Variants in ZNF644 observed in about 807,000 individuals in gnomAD.
The protein encoded by ZNF644 is zinc finger protein 644.
In ZNF644, 20 loss-of-function variants were observed where a neutral mutation model predicts 108.0. The observed-to-expected ratio is 0.19, with a 90% CI of 0.13 to 0.27. ZNF644 has a LOEUF of 0.27. ZNF644 is among the 10% of genes least tolerant of loss of function. The pLI, the probability that ZNF644 is intolerant of heterozygous loss-of-function variation, is 1.00. For synonymous variants in ZNF644, 542 were observed against 539.1 expected, an observed-to-expected ratio of 1.01 and a Z score of -0.08; for missense variants, 1,338 against 1,548.9, an observed-to-expected ratio of 0.86 and a Z score of 2.29.
chr1:90,967,732 C>T (rs1314158039), intron 2 of ZNF644, among the ~76,000 whole-genome samples: 1 of 151,880 alleles, frequency 6.6e-6, no homozygotes, highest in South Asian at 2.1e-4. Context: ...CTGCCCCTAG[C>T]CACCAGTGAG....
intron 2 of ZNF644, among the ~76,000 whole-genome samples, chr1:90,953,148 T>C (rs769692273): frequency 2.5e-4 from 38 of 152,260 alleles, no homozygotes; most frequent in Non-Finnish European, 4.7e-4. Context: ...ACAAGGTCAT[T>C]GTGCAACACA....
chr1:91,009,250 G>C (rs911533083), intron 1 of ZNF644, among the ~76,000 whole-genome samples: 3 of 151,954 alleles, frequency 2.0e-5, no homozygotes, highest in African/African-American at 7.3e-5. Context: ...AAATGTAAAT[G>C]TTATACTAAA....
intron 1 of ZNF644, among the ~76,000 whole-genome samples, chr1:90,996,312 C>A (rs1403997243): frequency 1.3e-5 from 2 of 152,186 alleles, no homozygotes; most frequent in Non-Finnish European, 2.9e-5. Flanking sequence ...ATAAACCCAG[C>A]AAGATCACTG....
intron 4 of ZNF644, chr1:90,935,461 T>G (rs1651215102): frequency 1.0e-6 from 1 of 985,724 alleles, no homozygotes; most frequent in Non-Finnish European, 1.2e-6. Context: ...GCGTAAGTGG[T>G]TGGACAGGCT....
intron 4 of ZNF644, among the ~76,000 whole-genome samples, chr1:90,927,749 T>C (rs1402977492): frequency 6.6e-6 from 1 of 152,162 alleles, no homozygotes; most frequent in Non-Finnish European, 1.5e-5. Context: ...TGAAAGGCTT[T>C]TTAAAATATA....
intron 1 of ZNF644, among the ~76,000 whole-genome samples, chr1:90,998,013 T>C (rs113271982): frequency 6.6e-6 from 1 of 152,154 alleles, no homozygotes; most frequent in Non-Finnish European, 1.5e-5. Context: ...GTGCCCACCA[T>C]TGCTGAGGCT....
In ZNF644 at chr1:90,938,650, G is replaced by A. The variant is rs1227659719; in HGVS notation, c.2704C>T (p.Pro902Ser). ...LFKSKVEGQE[P>S]GENATLSYDQ... is the part of the protein sequence containing the mutation. Reference sequence around the variant, plus strand: ...TAACTAAGAGTAGCATTTTCTCCAGGCTCCTGACCTTCCACTTTGCTCTTA... The same window carrying A: ...TAACTAAGAGTAGCATTTTCTCCAGACTCCTGACCTTCCACTTTGCTCTTA... Residue 902 changes from proline to serine, a missense_variant, in exon 3 of 6, where the codon CCT (proline) becomes TCT (serine). Coordinates refer to ENST00000337393, the MANE Select transcript of ZNF644 (RefSeq NM_201269.3). This position sits in a 1 kb window ranked among gnomAD's most constrained non-coding sequence, Gnocchi z 4.2. 1.2e-6 allele frequency: 2 copies of A among 1,609,346 alleles called. No individual in the cohort carries two copies. Among genetic ancestry groups the A allele is most frequent in the Admixed American group, 1.7e-5 (1 of 59,114 alleles).
At position 90,937,931 on chromosome 1, in the gene ZNF644, T is replaced by G; in HGVS notation, c.3242A>C (p.Glu1081Ala). ...AHKSPICVLN[E>A]MMQNEEKYEK... Reference sequence around the variant, plus strand: ...ATATTTTTCTTCATTTTGCATCATCTCATTCAGAACACAGATTGGAGATTT... The same window carrying G: ...ATATTTTTCTTCATTTTGCATCATCGCATTCAGAACACAGATTGGAGATTT... Residue 1081 changes from glutamate to alanine, a missense_variant, in exon 4 of 6, where the codon GAG becomes GCG. This residue lies in a region of ZNF644 where 287 missense variants were observed against 310.9 expected (regional missense o/e 0.92). Transcript: ENST00000337393. 6.2e-7 allele frequency: 1 copy of G among 1,613,666 alleles called. No homozygotes were observed.
At chr1:91,018,452 G>C (rs1660613058) in intron 1 of ZNF644, among the ~76,000 whole-genome samples, 1 of 152,186 alleles carries the variant, frequency 6.6e-6, no homozygotes, top group African/African-American at 2.4e-5. Flanking sequence ...AAGCTCATTT[G>C]AATATGTATC....
chr1:91,017,624 T>C (rs1660541707), intron 1 of ZNF644, among the ~76,000 whole-genome samples: 2 of 152,224 alleles, frequency 1.3e-5, no homozygotes, highest in African/African-American at 2.4e-5. Flanking sequence ...AAAAATATAC[T>C]AACTTTCCAT....
chr1:90,975,355 A>G (rs1655885714), intron 2 of ZNF644, among the ~76,000 whole-genome samples: 1 of 152,166 alleles, frequency 6.6e-6, no homozygotes, highest in South Asian at 2.1e-4. Flanking sequence ...CATCAGATGA[A>G]TCAATAAAAT....
intron 4 of ZNF644, 100 bp from the exon 5 acceptor site, chr1:90,918,254 T>C: frequency 1.0e-6 from 1 of 966,708 alleles, no homozygotes; most frequent in South Asian, 1.4e-5. Context: ...TCTAAATCAG[T>C]TAGAAAAAGT....
intron 4 of ZNF644, among the ~76,000 whole-genome samples, chr1:90,933,435 G>T (rs1650962760): frequency 1.3e-5 from 2 of 152,132 alleles, no homozygotes; most frequent in African/African-American, 4.8e-5. Context: ...GCTAAGGCGG[G>T]CAGACTGCCT....
At chr1:90,918,416 A>G in intron 4 of ZNF644, 1 of 412,878 alleles carries the variant, frequency 2.4e-6, no homozygotes, top group South Asian at 3.0e-5. Flanking sequence ...ATGCTTTACC[A>G]CACCAAACTA....
intron 1 of ZNF644, among the ~76,000 whole-genome samples, chr1:91,007,219 C>CTTTTTTTTT (rs1557658445): frequency 1.8e-5 from 2 of 114,248 alleles, no homozygotes; most frequent in Non-Finnish European, 3.7e-5. Context: ...CATTTTCTCC[C>CTTTTTTTTT]ATTTTGTTTT....
intron 2 of ZNF644, among the ~76,000 whole-genome samples, chr1:90,946,634 T>C (rs1652541786): frequency 6.6e-6 from 1 of 152,136 alleles, no homozygotes; most frequent in African/African-American, 2.4e-5. Context: ...AATAAATTGA[T>C]TGTTGAACAA....
intron 2 of ZNF644, among the ~76,000 whole-genome samples, chr1:90,973,851 C>CT (rs1289754958): frequency 1.3e-5 from 2 of 151,992 alleles, no homozygotes; most frequent in Non-Finnish European, 2.9e-5. Context: ...AAGTGACTTC[C>CT]TAGTAATGAG....
intron 1 of ZNF644, among the ~76,000 whole-genome samples, chr1:90,996,927 T>G (rs2101632234): frequency 6.6e-6 from 1 of 152,310 alleles, no homozygotes; most frequent in South Asian, 2.1e-4. Flanking sequence ...CGCAAAGCTA[T>G]CTTAATTTGA....
chr1:91,014,606 A>C (rs181283883), intron 1 of ZNF644, among the ~76,000 whole-genome samples: 5 of 152,210 alleles, frequency 3.3e-5, no homozygotes, highest in African/African-American at 1.2e-4. Context: ...ATTAAGCCTG[A>C]TTTTTTTCAT....
Sources: gnomAD v4.1 joint callset for allele counts (sites outside exome capture counted in the v4.1 genomes callset) on GRCh38, gnomAD v4.1.1 for gene constraint, gnomAD v4.1.1 regional missense constraint, Gnocchi (gnomAD v3.1) non-coding constraint, MANE v1.5 for transcripts, NCBI Gene and HGNC (gene_info 2026-07-23, HGNC 2026-07-21) for gene names.